ITGA9: variants seen among roughly 807,000 people sequenced by gnomAD.
The protein encoded by ITGA9 is integrin subunit alpha 9.
Under a neutral mutation model 127.8 loss-of-function variants are expected in ITGA9, and 56 were observed. That is an observed-to-expected ratio of 0.44 (90% CI 0.35 to 0.55). ITGA9 has a LOEUF of 0.55. ITGA9 is among the 20% of genes least tolerant of loss of function. ITGA9 has a pLI of 0.00. For missense variants in ITGA9, 1,196 were observed against 1,347.1 expected, an observed-to-expected ratio of 0.89 and a Z score of 1.76; for synonymous variants, 508 against 514.5, an observed-to-expected ratio of 0.99 and a Z score of 0.17.
At chr3:37,537,230 A>C (rs923217107) in intron 14 of ITGA9, among the ~76,000 whole-genome samples, 2 of 152,124 alleles carry the variant, frequency 1.3e-5, no homozygotes, top group African/African-American at 4.8e-5. Context: ...ATGGGGGGAA[A>C]ATTGAAAACT....
intron 5 of ITGA9, among the ~76,000 whole-genome samples, chr3:37,496,147 G>A (rs17814364): frequency 0.045 from 6,923 of 152,234 alleles, 205 homozygotes; most frequent in East Asian, 0.071. Flanking sequence ...AATCCAAAGA[G>A]AACATAGACA....
At chr3:37,530,349 C>T (rs1579090059) in intron 13 of ITGA9, among the ~76,000 whole-genome samples, 2 of 152,156 alleles carry the variant, frequency 1.3e-5, no homozygotes, top group South Asian at 2.1e-4. Flanking sequence ...TAGGAGACCA[C>T]GCATGTGCAA....
chr3:37,519,038 G>C (rs1699016922), intron 10 of ITGA9, among the ~76,000 whole-genome samples: 1 of 151,126 alleles, frequency 6.6e-6, no homozygotes, highest in African/African-American at 2.4e-5. Context: ...GCCCGCCTTG[G>C]CCTGCCAAAG....
intron 23 of ITGA9, among the ~76,000 whole-genome samples, chr3:37,762,951 G>C (rs1177333269): frequency 6.6e-6 from 1 of 152,190 alleles, no homozygotes; most frequent in East Asian, 1.9e-4. Context: ...TAAAGCATGA[G>C]ACTTAAATCT....
intron 17 of ITGA9, among the ~76,000 whole-genome samples, chr3:37,666,513 G>T (rs1218035432): frequency 6.6e-6 from 1 of 152,158 alleles, no homozygotes; most frequent in Non-Finnish European, 1.5e-5. Flanking sequence ...CCTCGGGTTG[G>T]TTGGGTGCCT....
chr3:37,637,218 T>G (rs1156962257), intron 16 of ITGA9, among the ~76,000 whole-genome samples: 2 of 152,186 alleles, frequency 1.3e-5, no homozygotes, highest in African/African-American at 2.4e-5. Context: ...ATAAATTACC[T>G]TGGGCAGTAT....
At chr3:37,768,576 AG>A (rs1559592923) in intron 23 of ITGA9, among the ~76,000 whole-genome samples, 1 of 152,146 alleles carries the variant, frequency 6.6e-6, no homozygotes, top group Non-Finnish European at 1.5e-5. Context: ...GCGATAAGTC[AG>A]GGGGTGGGTC....
intron 15 of ITGA9, among the ~76,000 whole-genome samples, chr3:37,618,173 T>C (rs1700093300): frequency 6.6e-6 from 1 of 152,246 alleles, no homozygotes; most frequent in Non-Finnish European, 1.5e-5. Flanking sequence ...TTAGGTTTCC[T>C]TCTAACAGTC....
At chr3:37,491,546 C>T (rs970666106) in intron 4 of ITGA9, among the ~76,000 whole-genome samples, 2 of 152,168 alleles carry the variant, frequency 1.3e-5, no homozygotes, top group Admixed American at 6.5e-5. Flanking sequence ...GACTGGAGGT[C>T]ACCCCCACCC....
intron 15 of ITGA9, among the ~76,000 whole-genome samples, chr3:37,626,982 C>T (rs558775212): frequency 1.3e-5 from 2 of 152,292 alleles, no homozygotes; most frequent in African/African-American, 2.4e-5. Context: ...CTCCACACCG[C>T]GGGCAGTCTT....
chr3:37,558,463 T>A (rs1260177113), intron 15 of ITGA9, among the ~76,000 whole-genome samples: 1 of 152,182 alleles, frequency 6.6e-6, no homozygotes, highest in Non-Finnish European at 1.5e-5. Flanking sequence ...TCCCACCCCT[T>A]GCTTCTCTAT....
intron 16 of ITGA9, among the ~76,000 whole-genome samples, chr3:37,633,786 A>T (rs1203594471): frequency 1.3e-5 from 2 of 152,166 alleles, no homozygotes; most frequent in Non-Finnish European, 2.9e-5. Flanking sequence ...TCCTAATCCT[A>T]TAACTGACTG....
intron 1 of ITGA9, among the ~76,000 whole-genome samples, chr3:37,466,130 T>G (rs1457836676): frequency 2.0e-5 from 3 of 152,084 alleles, no homozygotes; most frequent in Non-Finnish European, 4.4e-5. Flanking sequence ...TCTATGTGCC[T>G]GCTACATGCT....
chr3:37,719,955 G>T (rs1348304886), intron 18 of ITGA9, among the ~76,000 whole-genome samples: 4 of 152,176 alleles, frequency 2.6e-5, no homozygotes, highest in African/African-American at 9.7e-5. Context: ...TTTCTGGAGG[G>T]CAGAGGGCAT....
intron 1 of ITGA9, among the ~76,000 whole-genome samples, chr3:37,455,744 T>C (rs1256931855): frequency 6.6e-6 from 1 of 152,228 alleles, no homozygotes; most frequent in Non-Finnish European, 1.5e-5. Context: ...ACTACCTGTT[T>C]TACAGGTGAA....
At chr3:37,797,456 C>CT (rs1559601739) in intron 26 of ITGA9, among the ~76,000 whole-genome samples, 2 of 152,140 alleles carry the variant, frequency 1.3e-5, no homozygotes, top group African/African-American at 4.8e-5. Context: ...TTGAAAATCA[C>CT]TATGTTTCCA....
chr3:37,647,409 G>T (rs1700387560), intron 16 of ITGA9, among the ~76,000 whole-genome samples: 1 of 150,468 alleles, frequency 6.6e-6, no homozygotes, highest in Non-Finnish European at 1.5e-5. Flanking sequence ...ATAGTGAAAT[G>T]GCTACTATGG....
chr3:37,641,069 C>T (rs1166058353), intron 16 of ITGA9, among the ~76,000 whole-genome samples: 1 of 152,134 alleles, frequency 6.6e-6, no homozygotes. Context: ...CCCGTCTCTG[C>T]AGGCCCGTGG....
At chr3:37,591,432 GC>G (rs1397597043) in intron 15 of ITGA9, among the ~76,000 whole-genome samples, 1 of 152,114 alleles carries the variant, frequency 6.6e-6, no homozygotes, top group Non-Finnish European at 1.5e-5. Context: ...TGGACTGAGT[GC>G]CCCCCTGGCT....
Sources: allele counts gnomAD v4.1 joint callset (sites outside exome capture counted in the v4.1 genomes callset), GRCh38; gene constraint gnomAD v4.1.1; transcripts MANE v1.5; gene names NCBI Gene and HGNC (gene_info 2026-07-23, HGNC 2026-07-21).